SHISA9: variants seen among roughly 807,000 people sequenced by gnomAD.
The protein encoded by SHISA9 is protein shisa-9.
SHISA9 carries 13 observed loss-of-function variants against 38.0 expected under a neutral mutation model. The ratio of observed to expected loss-of-function variants is 0.34; its 90% CI spans 0.22 to 0.54. The LOEUF is 0.54. Among genes scored for constraint, SHISA9 ranks in the 20% least tolerant of loss-of-function variants. SHISA9 has a pLI of 0.91. For missense variants in SHISA9, 538 were observed against 575.8 expected, an observed-to-expected ratio of 0.93 and a Z score of 0.67; for synonymous variants, 275 against 242.0, an observed-to-expected ratio of 1.14 and a Z score of -1.27.
intron 2 of SHISA9, among the ~76,000 whole-genome samples, chr16:13,003,790 G>A (rs181946485): frequency 6.6e-6 from 1 of 152,044 alleles, no homozygotes; most frequent in African/African-American, 2.4e-5. Context: ...GCCAGGAGGC[G>A]GAGGTTGCAG....
the SHISA9 span, among the ~76,000 whole-genome samples, chr16:13,372,139 A>G: frequency 1.3e-5 from 2 of 152,210 alleles, no homozygotes; most frequent in Non-Finnish European, 2.9e-5. Flanking sequence ...GGTGGGGAGT[A>G]TCATGGAAGT....
the SHISA9 span, among the ~76,000 whole-genome samples, chr16:13,508,894 T>C: frequency 6.6e-6 from 1 of 152,214 alleles, no homozygotes; most frequent in Non-Finnish European, 1.5e-5. Flanking sequence ...GGATTGATAA[T>C]TGTGGCAATT....
the SHISA9 span, among the ~76,000 whole-genome samples, chr16:13,355,325 G>A: frequency 6.6e-6 from 1 of 151,972 alleles, no homozygotes; most frequent in African/African-American, 2.4e-5. Context: ...CGTTGAGTGG[G>A]GTAAGGGTGA....
chr16:13,277,090 T>C, the SHISA9 span, among the ~76,000 whole-genome samples: 2 of 152,192 alleles, frequency 1.3e-5, no homozygotes, highest in African/African-American at 4.8e-5. Context: ...TTGATTTTTG[T>C]GTAAGATGAG....
intron 2 of SHISA9, among the ~76,000 whole-genome samples, chr16:12,982,642 A>T (rs1472038497): frequency 6.6e-6 from 1 of 152,146 alleles, no homozygotes; most frequent in Non-Finnish European, 1.5e-5. Flanking sequence ...CCATCTCCAG[A>T]ACATCTCCCT....
At chr16:13,118,634 A>AG (rs1301200030) in intron 2 of SHISA9, among the ~76,000 whole-genome samples, 1 of 152,122 alleles carries the variant, frequency 6.6e-6, no homozygotes, top group African/African-American at 2.4e-5. Flanking sequence ...ACAAGCTCCC[A>AG]GGGGATGCCG....
At chr16:13,002,766 C>T (rs575640806) in intron 2 of SHISA9, among the ~76,000 whole-genome samples, 2 of 152,186 alleles carry the variant, frequency 1.3e-5, no homozygotes, top group East Asian at 3.9e-4. Flanking sequence ...CTCCCGACCT[C>T]AGGTGATCTG....
intron 2 of SHISA9, among the ~76,000 whole-genome samples, chr16:12,967,476 G>A (rs2071995181): frequency 6.6e-6 from 1 of 151,958 alleles, no homozygotes; most frequent in East Asian, 1.9e-4. Context: ...GAGTTAATGG[G>A]TGCAGCACAC....
the SHISA9 span, among the ~76,000 whole-genome samples, chr16:13,398,046 C>T: frequency 1.3e-5 from 2 of 152,106 alleles, no homozygotes; most frequent in African/African-American, 2.4e-5. Flanking sequence ...ATCCGACAGT[C>T]GATGACCTGC....
intron 4 of SHISA9, among the ~76,000 whole-genome samples, chr16:13,216,878 A>T (rs1385159585): frequency 6.6e-6 from 1 of 152,142 alleles, no homozygotes; most frequent in Non-Finnish European, 1.5e-5. Flanking sequence ...TTCCCATGCA[A>T]GTTGCCCCCT....
At chr16:13,277,901 C>G in the SHISA9 span, among the ~76,000 whole-genome samples, 2 of 152,012 alleles carry the variant, frequency 1.3e-5, no homozygotes, top group East Asian at 3.9e-4. Flanking sequence ...TTTGGATGCC[C>G]TTTTTTTCTT....
At chr16:13,100,540 T>C (rs1034710578) in intron 2 of SHISA9, among the ~76,000 whole-genome samples, 2 of 152,150 alleles carry the variant, frequency 1.3e-5, no homozygotes, top group African/African-American at 4.8e-5. Flanking sequence ...TGTACAGGAA[T>C]GACAGCTCAT....
the SHISA9 span, among the ~76,000 whole-genome samples, chr16:13,430,273 T>C: frequency 6.6e-6 from 1 of 152,108 alleles, no homozygotes; most frequent in Non-Finnish European, 1.5e-5. Context: ...CTAATGACAG[T>C]CATTTGAGTA....
chr16:13,481,945 G>C, the SHISA9 span, among the ~76,000 whole-genome samples: 309 of 152,324 alleles, frequency 2.0e-3, no homozygotes, highest in African/African-American at 7.1e-3. Flanking sequence ...CAGGGCCAAT[G>C]TTTTCTGAAC....
chr16:13,218,533 T>C (rs2051192664), intron 4 of SHISA9, among the ~76,000 whole-genome samples: 1 of 152,146 alleles, frequency 6.6e-6, no homozygotes, highest in Admixed American at 6.5e-5. Flanking sequence ...GTGGATAGTG[T>C]TGGGTTTGGT....
intron 2 of SHISA9, among the ~76,000 whole-genome samples, chr16:13,146,512 G>A (rs1220019198): frequency 1.3e-5 from 2 of 152,040 alleles, no homozygotes; most frequent in South Asian, 2.1e-4. Context: ...TCCTTTCTTT[G>A]TGTTACAGAC....
intron 2 of SHISA9, among the ~76,000 whole-genome samples, chr16:13,019,870 CCCTCCCTCCCTCCCTTCTTTCTTT>C (rs1224993734): frequency 7.8e-4 from 25 of 31,948 alleles, no homozygotes; most frequent in South Asian, 1.9e-3. Context: ...CTCCCTCCCT[CCCTCCCTCCCTCCCTTCTTTCTTT>C]CTTTCTTTCT....
At chr16:12,953,662 G>C (rs569302507) in intron 2 of SHISA9, among the ~76,000 whole-genome samples, 2 of 152,198 alleles carry the variant, frequency 1.3e-5, no homozygotes, top group East Asian at 1.9e-4. Context: ...AGAAATATTA[G>C]ATAAGATATT....
At chr16:12,997,725 C>G (rs2072475845) in intron 2 of SHISA9, among the ~76,000 whole-genome samples, 1 of 152,048 alleles carries the variant, frequency 6.6e-6, no homozygotes, top group South Asian at 2.1e-4. Context: ...AATTTAAGGC[C>G]CTTCATCATC....
Sources: allele counts gnomAD v4.1 joint callset (sites outside exome capture counted in the v4.1 genomes callset), GRCh38; gene constraint gnomAD v4.1.1; transcripts MANE v1.5; gene names NCBI Gene and HGNC (gene_info 2026-07-23, HGNC 2026-07-21).